The following PNPT1 variants were observed in gnomAD, a reference collection of about 807,000 sequenced individuals.
The protein encoded by PNPT1 is polyribonucleotide nucleotidyltransferase 1.
PNPT1 carries 53 observed loss-of-function variants against 119.5 expected under a neutral mutation model. That is an observed-to-expected ratio of 0.44 (90% CI 0.36 to 0.56). The LOEUF (loss-of-function observed/expected upper bound fraction) is 0.56, where lower values mean the gene tolerates loss of function less well. Ranked by LOEUF, PNPT1 falls within the 20% of genes least tolerant of loss-of-function variation. The pLI is 0.00. For synonymous variants in PNPT1, 357 were observed against 322.1 expected (o/e 1.11, Z -1.16); for missense variants, 948 against 938.5 (o/e 1.01, Z -0.13).
intron 14 of PNPT1, among the ~76,000 whole-genome samples, 157 bp from the exon 15 acceptor site, chr2:55,660,350 G>C (rs1215105896): frequency 2.6e-5 from 4 of 152,164 alleles, no homozygotes; most frequent in Non-Finnish European, 5.9e-5. Flanking sequence ...TTAGAAGGAT[G>C]ATTGTGAGAT....
chr2:55,677,391 A>T (rs2627774), intron 8 of PNPT1, among the ~76,000 whole-genome samples: 24 of 152,106 alleles, frequency 1.6e-4, no homozygotes, highest in African/African-American at 4.6e-4. Context: ...GCCAGGAATT[A>T]GAGACCAGCC....
rs1435121546 is a variant in PNPT1, at chr2:55,635,325, T to C, written c.*912A>G. 6.6e-6 allele frequency: 1 copy of C among 152,214 alleles called. No homozygotes were observed. Among genetic ancestry groups the C allele is most frequent in the Non-Finnish European group, 1.5e-5 (1 of 68,130 alleles). The allele number at this position is 152,214 out of a possible 1,614,324, so 9.4% of individuals were successfully genotyped here. On this transcript the variant is annotated 3_prime_UTR_variant, in exon 28 of 28. Transcript: ENST00000447944. Reference sequence around the variant, plus strand: ...TTTGATAAGTAAACAATTTTTTTTTTTTTTTTGAGACGGAGTTTTGCTCTT... The same window carrying C: ...TTTGATAAGTAAACAATTTTTTTTTCTTTTTTGAGACGGAGTTTTGCTCTT...
chr2:55,672,958 A>G lies in PNPT1; in HGVS notation c.801T>C (p.Gly267=). Residue 267 remains glycine, a synonymous_variant, in exon 9 of 28, where the codon GGT becomes GGC. Coordinates refer to ENST00000447944, the MANE Select transcript of PNPT1 (RefSeq NM_033109.5). ...ACTTCTGAGGTGTCCTCTTGGTAAC[A>G]CCAGTTTCTTTTACCAACTGCTGAA... ...QGIQQLVKET[G]VTKRTPQKLF... 1 of 1,613,648 alleles carries G rather than the reference A, an allele frequency of 6.2e-7. No individual in the cohort carries two copies. The highest frequency in any genetic ancestry group is 8.5e-7 in the Non-Finnish European group (1 of 1,179,888).
intron 18 of PNPT1, among the ~76,000 whole-genome samples, chr2:55,650,911 C>G (rs1283838251): frequency 1.3e-5 from 2 of 150,246 alleles, no homozygotes; most frequent in African/African-American, 4.9e-5. Context: ...GGTCAGCCCC[C>G]CGCCCGGCCA....
chr2:55,650,397 G>A (rs906682688), intron 18 of PNPT1, among the ~76,000 whole-genome samples: 2 of 152,188 alleles, frequency 1.3e-5, no homozygotes, highest in African/African-American at 2.4e-5. Context: ...CGCTAGCCTC[G>A]GCATCCTGAG....
chr2:55,640,756 T>G (rs770482811), intron 25 of PNPT1, 51 bp from the exon 26 acceptor site: 2 of 1,172,960 alleles, frequency 1.7e-6, no homozygotes, highest in South Asian at 2.6e-5. Flanking sequence ...TATCTGTATA[T>G]CCATTGACAA....
Position 55,637,603 on chromosome 2 carries a change from GAA to G in PNPT1, c.2149-6_2149-5del. ...CTAGGGCAGTAGGATGTTTAATCTG[GAA>G]AAAAAAATGTTAATCTATTAGTTGT... On this transcript the variant is annotated splice_region_variant and splice_polypyrimidine_tract_variant and intron_variant, in intron 26 of 27. Transcript: ENST00000447944. The G allele has an allele frequency of 6.4e-7, 1 of 1,573,752 alleles. No individual in the cohort carries two copies. The highest frequency in any genetic ancestry group is 8.7e-7 in the Non-Finnish European group (1 of 1,148,776).
At chr2:55,653,109 A>G (rs567722586) in intron 18 of PNPT1, among the ~76,000 whole-genome samples, 13 of 152,290 alleles carry the variant, frequency 8.5e-5, no homozygotes, top group African/African-American at 3.1e-4. Context: ...CAGGCTCCCA[A>G]AGTGCTGCAA....
At chr2:55,667,171 G>T in intron 12 of PNPT1, 78 bp from the exon 13 acceptor site, 1 of 1,058,930 alleles carries the variant, frequency 9.4e-7, no homozygotes, top group Non-Finnish European at 1.4e-6. Flanking sequence ...CTCCCAGGAA[G>T]TTCTCAACCT....
At chr2:55,691,159 G>A (rs1697586948) in intron 1 of PNPT1, among the ~76,000 whole-genome samples, 1 of 152,204 alleles carries the variant, frequency 6.6e-6, no homozygotes, top group Admixed American at 6.5e-5. Flanking sequence ...GAAAGCTACA[G>A]TTCTACTCTA....
intron 12 of PNPT1, 113 bp from the exon 13 acceptor site, chr2:55,667,206 G>A: frequency 1.4e-6 from 1 of 712,968 alleles, no homozygotes; most frequent in South Asian, 1.7e-5. Context: ...AATCCCCTGT[G>A]GAACTTTAAA....
At chr2:55,688,122 C>T (rs1330391461) in intron 1 of PNPT1, among the ~76,000 whole-genome samples, 1 of 151,854 alleles carries the variant, frequency 6.6e-6, no homozygotes, top group Non-Finnish European at 1.5e-5. Flanking sequence ...CAGCTCACTG[C>T]AACCTAGAAC....
intron 10 of PNPT1, among the ~76,000 whole-genome samples, 179 bp downstream of exon 10, chr2:55,671,816 G>A (rs957157322): frequency 2.0e-5 from 3 of 152,100 alleles, no homozygotes; most frequent in Admixed American, 2.0e-4. Flanking sequence ...GACAGAGAGA[G>A]ACTCTGTCTC....
In PNPT1 at chr2:55,656,190, A is replaced by G. The variant is rs752666494; in HGVS notation, c.1382T>C (p.Val461Ala). ...GALAEKALYP[V>A]IPRDFPFTIR... ...GGTGAAAGGAAAATCTCGGGGAATA[A>G]CAGGATACAAAGCTTTCTCAGCAAG... is the stretch of plus-strand genomic sequence containing the variant. Residue 461 changes from valine to alanine, a missense_variant, in exon 17 of 28, where the codon GTT becomes GCT. Val to Ala is a moderately conservative substitution (Grantham distance 64). Transcript: ENST00000447944. The G allele has an allele frequency of 7.4e-6, 12 of 1,613,556 alleles. No homozygotes were observed. The Admixed American group carries it at 1.8e-4, about 25-fold the overall frequency.
intron 8 of PNPT1, among the ~76,000 whole-genome samples, chr2:55,674,532 G>A (rs1327771374): frequency 6.6e-6 from 1 of 152,142 alleles, no homozygotes; most frequent in Non-Finnish European, 1.5e-5. Context: ...GGTGGAGGTT[G>A]CAGTGAGCTG....
intron 8 of PNPT1, among the ~76,000 whole-genome samples, chr2:55,673,485 G>A (rs1486354005): frequency 6.9e-6 from 1 of 145,930 alleles, no homozygotes; most frequent in Non-Finnish European, 1.5e-5. Flanking sequence ...GTCTCACTCT[G>A]TTGACCACGC....
intron 13 of PNPT1, 34 bp from the exon 14 acceptor site, chr2:55,662,060 A>G: frequency 6.7e-7 from 1 of 1,482,866 alleles, no homozygotes; most frequent in East Asian, 2.4e-5. Flanking sequence ...AGGCTTTAAT[A>G]TACTAACCAC....
chr2:55,680,943 T>C, intron 5 of PNPT1, 25 bp from the exon 6 acceptor site: 2 of 1,590,258 alleles, frequency 1.3e-6, no homozygotes, highest in Non-Finnish European at 1.7e-6. Flanking sequence ...AAAATTTGAT[T>C]TGGAAGGGTT....
intron 8 of PNPT1, among the ~76,000 whole-genome samples, chr2:55,676,430 C>G (rs1423426937): frequency 6.6e-6 from 1 of 152,156 alleles, no homozygotes; most frequent in Admixed American, 6.5e-5. Context: ...TTCTCACACA[C>G]AGAAATATTA....
Sources: allele counts gnomAD v4.1 joint callset (sites outside exome capture counted in the v4.1 genomes callset), GRCh38; gene constraint gnomAD v4.1.1; transcripts MANE v1.5; gene names NCBI Gene and HGNC (gene_info 2026-07-23, HGNC 2026-07-21).